Variants in PRKAG2 observed in about 807,000 individuals in gnomAD.
The protein encoded by PRKAG2 is 5'-AMP-activated protein kinase subunit gamma-2.
In PRKAG2, 26 loss-of-function variants were observed where a neutral mutation model predicts 69.6. The ratio of observed to expected loss-of-function variants is 0.37; its 90% CI spans 0.27 to 0.52. The LOEUF (loss-of-function observed/expected upper bound fraction) is 0.52, where lower values mean the gene tolerates loss of function less well. Ranked by LOEUF, PRKAG2 falls within the 20% of genes least tolerant of loss-of-function variation. The pLI is 0.90. For synonymous variants in PRKAG2, 293 were observed against 285.0 expected, an observed-to-expected ratio of 1.03 and a Z score of -0.28; for missense variants, 557 against 740.0, an observed-to-expected ratio of 0.75 and a Z score of 2.87.
chr7:151,578,143 G>A (rs754200320), intron 6 of PRKAG2, among the ~76,000 whole-genome samples: 1 of 151,806 alleles, frequency 6.6e-6, no homozygotes, highest in Non-Finnish European at 1.5e-5. Context: ...CCAGGAATTC[G>A]AGACCAGCCT....
At chr7:151,728,694 C>T (rs905622768) in intron 3 of PRKAG2, among the ~76,000 whole-genome samples, 17 of 152,204 alleles carry the variant, frequency 1.1e-4, no homozygotes, top group Non-Finnish European at 1.3e-4. Context: ...TTCAGCTTCT[C>T]TGCTGGGAAC....
chr7:151,582,586 C>T (rs557857358), intron 6 of PRKAG2, among the ~76,000 whole-genome samples: 15 of 152,324 alleles, frequency 9.8e-5, no homozygotes, highest in Admixed American at 3.3e-4. Context: ...CACGGAAGCA[C>T]GTGGAGTGAA....
chr7:151,729,180 C>T (rs1237640058), intron 3 of PRKAG2, among the ~76,000 whole-genome samples: 8 of 63,564 alleles, frequency 1.3e-4, no homozygotes, highest in Admixed American at 2.2e-4. Context: ...GGGTGGCGGG[C>T]GGGCCTCACC....
intron 3 of PRKAG2, among the ~76,000 whole-genome samples, chr7:151,710,125 C>T (rs759482478): frequency 6.6e-6 from 1 of 152,150 alleles, no homozygotes; most frequent in Non-Finnish European, 1.5e-5. Flanking sequence ...GCAGAAGGGC[C>T]GGCCTTTGGG....
intron 5 of PRKAG2, among the ~76,000 whole-genome samples, chr7:151,618,563 GA>G (rs1206174581): frequency 1.3e-5 from 2 of 151,872 alleles, no homozygotes; most frequent in Admixed American, 1.3e-4. Flanking sequence ...TCGGGAGTTT[GA>G]AACCAGCCTG....
intron 7 of PRKAG2, 77 bp downstream of exon 7, chr7:151,576,294 G>T: frequency 7.9e-7 from 1 of 1,269,826 alleles, no homozygotes; most frequent in South Asian, 1.3e-5. Context: ...ATTCCAAACC[G>T]GCATCTATTA....
intron 5 of PRKAG2, among the ~76,000 whole-genome samples, chr7:151,603,084 C>T (rs73730209): frequency 0.04 from 6,027 of 150,740 alleles, 346 homozygotes; most frequent in African/African-American, 0.14. Context: ...CATCATCACA[C>T]GGAGGCACCC....
intron 1 of PRKAG2, among the ~76,000 whole-genome samples, chr7:151,863,032 C>G (rs1197766920): frequency 6.9e-6 from 1 of 144,072 alleles, no homozygotes; most frequent in East Asian, 2.0e-4. Flanking sequence ...GCAGGGGGCA[C>G]TTGTAGGTCC....
rs998361650 is a variant in PRKAG2, at chr7:151,565,981, T to C, written c.1234-96A>G. 4 of 1,418,182 alleles carry C rather than the reference T, an allele frequency of 2.8e-6. No homozygotes were observed. The African/African-American group carries it at 5.6e-5, about 20-fold the overall frequency. 87.8% of individuals were successfully genotyped at this position (1,418,182 alleles called of 1,614,324 possible). On this transcript the variant is annotated intron_variant, in intron 11 of 15. Coordinates refer to ENST00000287878, the MANE Select transcript of PRKAG2 (RefSeq NM_016203.4). ...GAATGAAAAAGTATGTCCAACAAAT[T>C]AAAGTTAGTTTTTTCTAACAGTCTA...
chr7:151,574,241 C>G (rs760410200), intron 8 of PRKAG2, among the ~76,000 whole-genome samples: 1 of 152,136 alleles, frequency 6.6e-6, no homozygotes, highest in African/African-American at 2.4e-5. Context: ...TCCTTCCCCC[C>G]ACCCTCATGA....
chr7:151,802,799 G>A (rs1332078455), intron 1 of PRKAG2, among the ~76,000 whole-genome samples: 1 of 150,748 alleles, frequency 6.6e-6, no homozygotes, highest in Admixed American at 6.6e-5. Flanking sequence ...CCGCTCTTCT[G>A]CAGCAGCCAC....
At chr7:151,698,250 G>T (rs1030504408) in intron 3 of PRKAG2, among the ~76,000 whole-genome samples, 5 of 152,242 alleles carry the variant, frequency 3.3e-5, no homozygotes, top group Middle Eastern at 3.2e-3. Context: ...CATTCAGCCA[G>T]CACTTCACCA....
intron 5 of PRKAG2, among the ~76,000 whole-genome samples, chr7:151,618,793 A>G (rs1375826274): frequency 6.6e-6 from 1 of 152,290 alleles, no homozygotes. Context: ...AAAACCCCTA[A>G]GTTTTTCTAA....
chr7:151,829,966 C>T (rs2078987641), intron 1 of PRKAG2, among the ~76,000 whole-genome samples: 3 of 151,774 alleles, frequency 2.0e-5, no homozygotes, highest in South Asian at 4.2e-4. Flanking sequence ...ATGAGCCTGC[C>T]TCCATTGGTC....
At chr7:151,792,712 G>A (rs539530955) in intron 1 of PRKAG2, among the ~76,000 whole-genome samples, 1 of 152,344 alleles carries the variant, frequency 6.6e-6, no homozygotes, top group East Asian at 1.9e-4. Context: ...GCAAACTCGA[G>A]GTTTACAATA....
At chr7:151,592,749 C>T (rs189037075) in intron 6 of PRKAG2, among the ~76,000 whole-genome samples, 44 of 152,296 alleles carry the variant, frequency 2.9e-4, no homozygotes, top group Non-Finnish European at 4.9e-4. Flanking sequence ...TATTATATGC[C>T]TATGCGAGGA....
intron 15 of PRKAG2, 128 bp from the exon 16 acceptor site, chr7:151,557,360 G>A (rs1446373466): frequency 6.2e-6 from 10 of 1,600,692 alleles, no homozygotes; most frequent in African/African-American, 5.4e-5. Context: ...GGAGGGCGAT[G>A]TGGGAAGGAG....
intron 3 of PRKAG2, among the ~76,000 whole-genome samples, chr7:151,682,397 C>T (rs1243804358): frequency 6.6e-6 from 1 of 151,804 alleles, no homozygotes; most frequent in Non-Finnish European, 1.5e-5. Context: ...AATACCATTA[C>T]ACCAGCTAAT....
At chr7:151,615,063 C>T (rs1460293197) in intron 5 of PRKAG2, among the ~76,000 whole-genome samples, 1 of 151,996 alleles carries the variant, frequency 6.6e-6, no homozygotes, top group East Asian at 1.9e-4. Context: ...AGACAGAAGC[C>T]GTGTGGATCC....
Sources: allele counts gnomAD v4.1 joint callset (sites outside exome capture counted in the v4.1 genomes callset), GRCh38; gene constraint gnomAD v4.1.1; transcripts MANE v1.5; gene names NCBI Gene and HGNC (gene_info 2026-07-23, HGNC 2026-07-21).